The following FERMT1 variants were observed in gnomAD, a reference collection of about 807,000 sequenced individuals.
FERMT1 encodes FERM domain containing kindlin 1.
FERMT1 carries 60 observed loss-of-function variants against 85.3 expected under a neutral mutation model. The ratio of observed to expected loss-of-function variants is 0.70; its 90% CI spans 0.57 to 0.87. The LOEUF (loss-of-function observed/expected upper bound fraction) is 0.87, where lower values mean the gene tolerates loss of function less well. FERMT1 is among the 40% of genes least tolerant of loss of function. FERMT1 has a pLI of 0.00. For synonymous variants in FERMT1, 275 were observed against 301.1 expected (o/e 0.91, Z 0.90); for missense variants, 701 against 818.9 (o/e 0.86, Z 1.76).
rs2232082 is a variant in FERMT1, at chr20:6,077,354, A to G, written c.1861-8T>C. Reference sequence around the variant, plus strand: ...GTCAAACTCGATGACCACCTGGAAGAGGAAGGCACAGAGAAGCTTAAACTC... The same window carrying G: ...GTCAAACTCGATGACCACCTGGAAGGGGAAGGCACAGAGAAGCTTAAACTC... On this transcript the variant is annotated splice_region_variant and splice_polypyrimidine_tract_variant and intron_variant, in intron 14 of 14. Transcript: ENST00000217289. The G allele has an allele frequency of 8.8e-4, 1,422 of 1,614,096 alleles. 24 individuals carry two copies. The African/African-American group carries it at 0.017, about 20-fold the overall frequency.
In FERMT1 at chr20:6,086,215, C is replaced by CAGAG. The variant is rs370968639; in HGVS notation, c.1372-929_1372-928insCTCT. On this transcript the variant is annotated intron_variant, in intron 11 of 14. Coordinates refer to ENST00000217289, the MANE Select transcript of FERMT1 (RefSeq NM_017671.5). ...GATAGGTGGTGAAACCGCAAACTGT[C>CAGAG]AGCTTTCCTTGATATGTATTTCTGT... Among the ~76,000 whole-genome samples the CAGAG allele has an allele frequency of 5.6e-3, 851 of 151,718 alleles. 6 individuals carry two copies. The highest frequency in any genetic ancestry group is 0.019 in the African/African-American group (794 of 41,406).
At chr20:6,086,160 C>T (rs542794498) in intron 11 of FERMT1, among the ~76,000 whole-genome samples, 1 of 151,592 alleles carries the variant, frequency 6.6e-6, no homozygotes, top group East Asian at 1.9e-4. Flanking sequence ...AAAAAAGGTC[C>T]AAGGACACAA....
chr20:6,105,825 A>G (rs369321407), intron 6 of FERMT1, among the ~76,000 whole-genome samples: 6 of 152,240 alleles, frequency 3.9e-5, no homozygotes, highest in African/African-American at 1.4e-4. Context: ...TGAATAGATA[A>G]GATGGGACCA....
At position 6,096,940 on chromosome 20, in the gene FERMT1, C is replaced by A. The variant is rs370448619; in HGVS notation, c.1051G>T (p.Glu351Ter). 4 of 1,613,922 alleles carry A rather than the reference C, an allele frequency of 2.5e-6. No homozygotes were observed. The highest frequency in any genetic ancestry group is 3.4e-6 in the Non-Finnish European group (4 of 1,179,952). Residue 351 changes from glutamate (E) to a stop codon, truncating the protein, a stop_gained, in exon 8 of 15, where the codon GAA becomes TAA. Coordinates refer to ENST00000217289, the MANE Select transcript of FERMT1 (RefSeq NM_017671.5). LOFTEE classifies it high-confidence loss of function. ...GCTTTTCCACCTTCTAGGGTTACTT[C>A]CAAATTAGAAAGCGCCGCTTCTATT... ...DEIEAALSNLEVTLEGGKADS... is the reference protein window; with the variant it reads ...DEIEAALSNL
intron 4 of FERMT1, among the ~76,000 whole-genome samples, chr20:6,110,861 C>A (rs969881349): frequency 2.6e-5 from 4 of 152,230 alleles, no homozygotes; most frequent in African/African-American, 9.6e-5. Flanking sequence ...GTAAATTCAG[C>A]TCCTCAAAAG....
chr20:6,099,010 C>A (rs1368396275), intron 6 of FERMT1, among the ~76,000 whole-genome samples: 2 of 152,184 alleles, frequency 1.3e-5, no homozygotes, highest in Non-Finnish European at 2.9e-5. Flanking sequence ...ACAATGTTTA[C>A]AGCAGCAATA....
rs1160819020 is a variant in FERMT1, at chr20:6,076,646, C to T, written c.*527G>A. ...CACCCCTCCCCTTTCTACCCCTAGA[C>T]CTTGGCCTCCAGGGAAAAAGTGTGT... On this transcript the variant is annotated 3_prime_UTR_variant, in exon 15 of 15. Transcript: ENST00000217289. 1 of 348,034 alleles carries T rather than the reference C, an allele frequency of 2.9e-6. No homozygotes were observed. The highest frequency in any genetic ancestry group is 2.1e-5 in the African/African-American group (1 of 46,584). The allele number at this position is 348,034 out of a possible 1,614,324, so 21.6% of individuals were successfully genotyped here. A position where few individuals can be genotyped will look rare whatever the true frequency, so the allele number is the denominator to read the frequency against.
intron 1 of FERMT1, among the ~76,000 whole-genome samples, chr20:6,121,462 G>C (rs1983275400): frequency 6.9e-6 from 1 of 144,658 alleles, no homozygotes; most frequent in Non-Finnish European, 1.5e-5. Context: ...ACGATGCAAT[G>C]CATCTCCTCC....
rs772434800 is a variant in FERMT1 at position 6,085,110 on chromosome 20, AT to A, written c.1548del (p.Glu516AspfsTer75). On this transcript the variant is annotated frameshift_variant, in exon 12 of 15. Coordinates refer to ENST00000217289, the MANE Select transcript of FERMT1 (RefSeq NM_017671.5). LOFTEE classifies it high-confidence loss of function. ...SSLENMDMNP[E>X]CFVSPRCAKR... is the part of the protein sequence containing the mutation. ...TTTGCACACCGTGGTGACACAAAAC[AT>A]TCTGGGTTCATATCCATGTTTTCGA... 2 of 1,614,236 alleles carry A rather than the reference AT, an allele frequency of 1.2e-6. No homozygotes were observed. The highest frequency in any genetic ancestry group is 3.3e-5 in the Admixed American group (2 of 60,034).
At chr20:6,086,661 C>A (rs929588020) in intron 11 of FERMT1, among the ~76,000 whole-genome samples, 1 of 152,090 alleles carries the variant, frequency 6.6e-6, no homozygotes, top group Non-Finnish European at 1.5e-5. Context: ...GGCAGATATA[C>A]CTCTCGCTGT....
intron 4 of FERMT1, among the ~76,000 whole-genome samples, chr20:6,111,411 C>T (rs968648711): frequency 6.6e-6 from 1 of 152,002 alleles, no homozygotes; most frequent in African/African-American, 2.4e-5. Context: ...GCAGGCGGAT[C>T]ACTTGAGGCC....
intron 13 of FERMT1, 23 bp from the exon 14 acceptor site, chr20:6,079,600 T>G: frequency 6.2e-7 from 1 of 1,607,382 alleles, no homozygotes; most frequent in African/African-American, 1.3e-5. Context: ...ATAATATTAG[T>G]TAAGAGAAGC....
chr20:6,114,697 T>C (rs876704), intron 3 of FERMT1, among the ~76,000 whole-genome samples: 47,051 of 151,992 alleles, frequency 0.31, 7,642 homozygotes, highest in East Asian at 0.54. Flanking sequence ...ATGCTAGGCA[T>C]TGTGACTGGA....
chr20:6,107,594 G>T lies in FERMT1; in HGVS notation c.787C>A (p.Gln263Lys). The T allele has an allele frequency of 1.2e-6, 2 of 1,612,974 alleles. No homozygotes were observed. Among genetic ancestry groups the T allele is most frequent in the Non-Finnish European group, 1.7e-6 (2 of 1,179,176 alleles). Residue 263 changes from glutamine to lysine, a missense_variant, in exon 6 of 15, where the codon CAA becomes AAA. Physicochemically the swap from Gln to Lys is moderately conservative, Grantham distance 53. Coordinates refer to ENST00000217289, the MANE Select transcript of FERMT1 (RefSeq NM_017671.5). ...SSRSLMEQGIQEDEQLLLRFK... is the reference protein window; with the variant it reads ...SSRSLMEQGIKEDEQLLLRFK... ...CGTAAGAGCAGCTGCTCATCCTCTTGGATGCCTTGTTCCATAAGGGAGCGT... is the reference window on the plus strand; with the variant it reads ...CGTAAGAGCAGCTGCTCATCCTCTTTGATGCCTTGTTCCATAAGGGAGCGT...
intron 14 of FERMT1, among the ~76,000 whole-genome samples, chr20:6,078,637 T>TG (rs1981900020): frequency 7.2e-6 from 1 of 137,998 alleles, no homozygotes; most frequent in African/African-American, 2.6e-5. Flanking sequence ...TTCAGCGTTT[T>TG]TTTTTTTTGT....
At chr20:6,087,724 C>T (rs1169137724) in intron 11 of FERMT1, 53 bp downstream of exon 11, 1 of 998,008 alleles carries the variant, frequency 1.0e-6, no homozygotes, top group Non-Finnish European at 1.6e-6. Flanking sequence ...TTGGGTTTTG[C>T]TCTTAGGCTT....
intron 2 of FERMT1, 72 bp from the exon 3 acceptor site, chr20:6,116,116 C>T (rs1398926152): frequency 9.5e-7 from 1 of 1,056,312 alleles, no homozygotes; most frequent in African/African-American, 1.6e-5. Flanking sequence ...GCTGCAGAGT[C>T]AATTTCATTG....
At chr20:6,079,642 A>G in intron 13 of FERMT1, 65 bp from the exon 14 acceptor site, 2 of 1,436,776 alleles carry the variant, frequency 1.4e-6, no homozygotes, top group East Asian at 2.3e-5. Context: ...GTTCACTCAC[A>G]TATAACTTCT....
chr20:6,112,806 G>T (rs566812516), intron 3 of FERMT1, among the ~76,000 whole-genome samples, 183 bp from the exon 4 acceptor site: 7 of 152,304 alleles, frequency 4.6e-5, no homozygotes, highest in East Asian at 1.9e-4. Context: ...CAAAGTAGGT[G>T]GGGGGAGAAA....
Sources: gnomAD v4.1 joint callset for allele counts (sites outside exome capture counted in the v4.1 genomes callset) on GRCh38, gnomAD v4.1.1 for gene constraint, MANE v1.5 for transcripts, NCBI Gene and HGNC (gene_info 2026-07-23, HGNC 2026-07-21) for gene names.